The following HEMK2 variants were observed in gnomAD, a reference collection of about 807,000 sequenced individuals.
HEMK2 encodes HemK methyltransferase 2, ETF1 glutamine and histone H4 lysine.
the HEMK2 span, among the ~76,000 whole-genome samples, chr21:28,689,111 C>T: frequency 7.0e-6 from 1 of 142,206 alleles, no homozygotes; most frequent in East Asian, 2.2e-4. Flanking sequence ...GACAATTATA[C>T]CAAAAAGTAG....
the HEMK2 span, among the ~76,000 whole-genome samples, chr21:28,864,923 T>TAGATAGATAGATAGACAGAC: frequency 1.6e-5 from 2 of 123,864 alleles, no homozygotes; most frequent in Admixed American, 7.8e-5. Flanking sequence ...TATAGATAGA[T>TAGATAGATAGATAGACAGAC]AGACAGACAG....
the HEMK2 span, among the ~76,000 whole-genome samples, chr21:28,839,981 A>G: frequency 1.3e-5 from 2 of 152,348 alleles, no homozygotes; most frequent in Non-Finnish European, 2.9e-5. Flanking sequence ...ATAAGGCCAT[A>G]GTTACCAAAA....
At chr21:28,601,428 G>A in the HEMK2 span, among the ~76,000 whole-genome samples, 2 of 152,078 alleles carry the variant, frequency 1.3e-5, no homozygotes, top group African/African-American at 2.4e-5. Flanking sequence ...AGATAAGCAT[G>A]TTTCTCTCCT....
chr21:28,648,518 C>A, the HEMK2 span, among the ~76,000 whole-genome samples: 1 of 152,266 alleles, frequency 6.6e-6, no homozygotes, highest in East Asian at 1.9e-4. Context: ...GTGCCTCTCA[C>A]AGGAAAGGTA....
At chr21:28,740,396 G>A in the HEMK2 span, among the ~76,000 whole-genome samples, 34,811 of 152,066 alleles carry the variant, frequency 0.23, 4,630 homozygotes, top group African/African-American at 0.35. Flanking sequence ...CATAAAGCAG[G>A]AATTCAAATG....
At chr21:28,870,907 G>A in the HEMK2 span, among the ~76,000 whole-genome samples, 6 of 152,060 alleles carry the variant, frequency 3.9e-5, no homozygotes, top group Admixed American at 3.3e-4. Flanking sequence ...CATCCCATGG[G>A]TGCTTGAGAA....
At chr21:28,697,540 C>T in the HEMK2 span, among the ~76,000 whole-genome samples, 1 of 152,298 alleles carries the variant, frequency 6.6e-6, no homozygotes, top group Non-Finnish European at 1.5e-5. Flanking sequence ...ACTGTTCCAA[C>T]CTCTGTCTGT....
At chr21:28,592,102 T>G in the HEMK2 span, among the ~76,000 whole-genome samples, 1,128 of 152,316 alleles carry the variant, frequency 7.4e-3, 19 homozygotes, top group African/African-American at 0.026. Context: ...TAGTTCTGTT[T>G]TTAGGTCTTT....
At chr21:28,636,786 A>T in the HEMK2 span, among the ~76,000 whole-genome samples, 3 of 152,130 alleles carry the variant, frequency 2.0e-5, no homozygotes, top group South Asian at 6.2e-4. Context: ...GCTCGATCCA[A>T]ACAAGTGCTG....
At chr21:28,750,676 G>C in the HEMK2 span, among the ~76,000 whole-genome samples, 4 of 147,804 alleles carry the variant, frequency 2.7e-5, no homozygotes, top group East Asian at 5.9e-4. Flanking sequence ...ACTCCCTCCT[G>C]GGTGACAGAG....
At chr21:28,701,633 A>C in the HEMK2 span, among the ~76,000 whole-genome samples, 1 of 151,488 alleles carries the variant, frequency 6.6e-6, no homozygotes, top group Non-Finnish European at 1.5e-5. Flanking sequence ...AGGGTGGTGA[A>C]AGATTTCTAC....
chr21:28,680,322 A>G, the HEMK2 span, among the ~76,000 whole-genome samples: 1 of 152,236 alleles, frequency 6.6e-6, no homozygotes, highest in Non-Finnish European at 1.5e-5. Flanking sequence ...AAATTCCTCG[A>G]CACATACACC....
chr21:28,628,032 A>C, the HEMK2 span, among the ~76,000 whole-genome samples: 1 of 151,854 alleles, frequency 6.6e-6, no homozygotes, highest in Non-Finnish European at 1.5e-5. Context: ...TGCTCTGCCC[A>C]CTCCAACCCT....
the HEMK2 span, among the ~76,000 whole-genome samples, chr21:28,578,415 G>A: frequency 6.6e-6 from 1 of 152,160 alleles, no homozygotes; most frequent in Admixed American, 6.5e-5. Flanking sequence ...GGGGATGGTT[G>A]AACATCCAAC....
At chr21:28,750,816 A>G in the HEMK2 span, among the ~76,000 whole-genome samples, 29 of 152,176 alleles carry the variant, frequency 1.9e-4, no homozygotes, top group Non-Finnish European at 2.9e-4. Context: ...AGTCTTTCAC[A>G]AAAATGAAAG....
At chr21:28,854,093 C>T in the HEMK2 span, among the ~76,000 whole-genome samples, 4,182 of 152,250 alleles carry the variant, frequency 0.027, 98 homozygotes, top group Middle Eastern at 0.1. Context: ...GACAGAATCC[C>T]TGAGTTCATT....
the HEMK2 span, among the ~76,000 whole-genome samples, chr21:28,838,001 T>C: frequency 1.3e-5 from 2 of 152,048 alleles, no homozygotes; most frequent in Non-Finnish European, 1.5e-5. Context: ...AAGAATTAGA[T>C]ACCCTGAACA....
At chr21:28,807,500 T>C in the HEMK2 span, among the ~76,000 whole-genome samples, 179 of 152,276 alleles carry the variant, frequency 1.2e-3, 1 homozygote, top group African/African-American at 4.0e-3. Flanking sequence ...GCAGTCACCA[T>C]AGGGACCTCA....
At chr21:28,675,985 A>AT in the HEMK2 span, among the ~76,000 whole-genome samples, 43 of 152,290 alleles carry the variant, frequency 2.8e-4, no homozygotes, top group South Asian at 1.7e-3. Flanking sequence ...GCCCCGTGGA[A>AT]TTTACTCCAA....
Sources: allele counts gnomAD v4.1 joint callset (sites outside exome capture counted in the v4.1 genomes callset), GRCh38; gene constraint gnomAD v4.1.1; transcripts MANE v1.5; gene names NCBI Gene and HGNC (gene_info 2026-07-23, HGNC 2026-07-21).